Variants in XG observed in about 807,000 individuals in gnomAD.
The protein encoded by XG is glycoprotein Xg.
In XG, 24 loss-of-function variants were observed where a neutral mutation model predicts 25.7. That is an observed-to-expected ratio of 0.93 (90% CI 0.68 to 1.31). The LOEUF (loss-of-function observed/expected upper bound fraction) is 1.31, where lower values mean the gene tolerates loss of function less well. XG is among the 40% of genes most tolerant of loss of function. The pLI is 0.00. For missense variants in XG, 181 were observed against 187.6 expected, an observed-to-expected ratio of 0.96 and a Z score of 0.21; for synonymous variants, 77 against 69.2, an observed-to-expected ratio of 1.11 and a Z score of -0.56.
At chrX:2,784,526 C>T (rs1341204682) in intron 4 of XG, among the ~76,000 whole-genome samples, 2 of 103,542 alleles carry the variant, frequency 1.9e-5, no homozygotes, top group Admixed American at 1.1e-4. Flanking sequence ...GCTGAGATGG[C>T]GCCACTGCAC....
chrX:2,776,444 A>G (rs2050993272), intron 3 of XG, among the ~76,000 whole-genome samples: 1 of 152,168 alleles, frequency 6.6e-6, no homozygotes, highest in Non-Finnish European at 1.5e-5. Flanking sequence ...GTAGCTCGCC[A>G]CAGTATCTTA....
chrX:2,784,367 G>A (rs1457260908), intron 4 of XG, among the ~76,000 whole-genome samples: 1 of 110,505 alleles, frequency 9.0e-6, no homozygotes, highest in South Asian at 3.9e-4. Context: ...TGGATCACCT[G>A]AGGTCAGGAG....
chrX:2,753,703 A>G (rs747154270), intron 1 of XG, among the ~76,000 whole-genome samples: 1 of 151,860 alleles, frequency 6.6e-6, no homozygotes, highest in Admixed American at 6.6e-5. Flanking sequence ...CTGCCTCAGC[A>G]TCTCAAGTAG....
chrX:2,758,353 C>T (rs1436678970), intron 1 of XG, among the ~76,000 whole-genome samples: 2 of 152,162 alleles, frequency 1.3e-5, no homozygotes, highest in Non-Finnish European at 2.9e-5. Flanking sequence ...AGGTGTGGGT[C>T]AGGCATTTGG....
At chrX:2,756,890 C>T (rs1051755564) in intron 1 of XG, among the ~76,000 whole-genome samples, 2 of 152,166 alleles carry the variant, frequency 1.3e-5, no homozygotes, top group African/African-American at 2.4e-5. Context: ...CCCTAGTGGG[C>T]GTTTTACGGT....
At chrX:2,776,517 G>A (rs1270836404) in intron 3 of XG, among the ~76,000 whole-genome samples, 1 of 152,022 alleles carries the variant, frequency 6.6e-6, no homozygotes, top group East Asian at 1.9e-4. Flanking sequence ...CCTTGAGGAA[G>A]GGGCTGCCAG....
chrX:2,765,041 CAAA>C (rs1219282861), intron 1 of XG, among the ~76,000 whole-genome samples: 2 of 36,620 alleles, frequency 5.5e-5, no homozygotes, highest in African/African-American at 1.1e-4. Context: ...ATTCTTTATC[CAAA>C]AAAAAAAAAA....
In XG at chrX:2,814,444, G is replaced by A; in HGVS notation, c.*64G>A. 2.6e-6 allele frequency: 3 copies of A among 1,149,166 alleles called. No homozygotes were observed. The highest frequency in any genetic ancestry group is 3.5e-6 in the Non-Finnish European group (3 of 854,424). 94.7% of individuals were successfully genotyped at this position (1,149,166 alleles called of 1,213,427 possible). On this transcript the variant is annotated 3_prime_UTR_variant, in exon 11 of 11. Coordinates refer to ENST00000644266, the MANE Select transcript of XG (RefSeq NM_001141919.2). ...TAAAACAAGAACCGTGTTTATCACT[G>A]TTGTGGAGATTTCCTTTTATTCTTG...
rs1437723763 is a variant in XG at position 2,815,733 on chromosome X, T to C, written c.*1353T>C. On this transcript the variant is annotated 3_prime_UTR_variant, in exon 11 of 11. Transcript: ENST00000644266. ...GTGGTGATGTCTGATGCTCAATTAC[T>C]ATTTTCCCTATAAGAGTTTCAGCAT... is the stretch of plus-strand genomic sequence containing the variant. The C allele has an allele frequency of 9.1e-5, 10 of 109,689 alleles. No individual in the cohort carries two copies. The highest frequency in any genetic ancestry group is 1.9e-4 in the Non-Finnish European group (10 of 52,660). The allele number at this position is 109,689 out of a possible 1,213,427, so 9.0% of individuals were successfully genotyped here.
At chrX:2,758,790 CTGAGGAATCTTGCCTTAGCA>C (rs2050493053) in intron 1 of XG, among the ~76,000 whole-genome samples, 1 of 152,188 alleles carries the variant, frequency 6.6e-6, no homozygotes, top group Non-Finnish European at 1.5e-5. Context: ...AGGACTGAGG[CTGAGGAATCTTGCCTTAGCA>C]TGAGAGATCC....
At position 2,794,326 on chromosome X, in the gene XG, G is replaced by A. The variant is rs750649316; in HGVS notation, c.254-209G>A. Among the ~76,000 whole-genome samples, 3 of 112,405 alleles carry A rather than the reference G, an allele frequency of 2.7e-5. No individual in the cohort carries two copies. The South Asian group carries it at 1.1e-3, about 41-fold the overall frequency. ...AGCAATATGAGGCCACACTGCAGAC[G>A]TTCTGGGCCCTGCACACGCCTCCTT... is the stretch of plus-strand genomic sequence containing the variant. On this transcript the variant is annotated intron_variant, in intron 5 of 10. Coordinates refer to ENST00000644266, the MANE Select transcript of XG (RefSeq NM_001141919.2).
chrX:2,770,977 G>A (rs770034694), intron 2 of XG, among the ~76,000 whole-genome samples: 82 of 152,118 alleles, frequency 5.4e-4, no homozygotes, highest in African/African-American at 1.9e-3. Flanking sequence ...CTCCCAAGTA[G>A]CTGGAACAAC....
intron 10 of XG, among the ~76,000 whole-genome samples, chrX:2,813,752 C>T (rs2087078886): frequency 1.8e-5 from 2 of 112,185 alleles, no homozygotes; most frequent in South Asian, 7.3e-4. Context: ...GACAACATCA[C>T]TTCAGAAGTT....
At chrX:2,801,991 G>GCCA (rs1379649319) in intron 7 of XG, among the ~76,000 whole-genome samples, 3 of 111,766 alleles carry the variant, frequency 2.7e-5, no homozygotes, top group Non-Finnish European at 5.6e-5. Context: ...ACAGGCGTGA[G>GCCA]CCACCGCGCC....
intron 8 of XG, 123 bp downstream of exon 8, chrX:2,806,868 G>A (rs1333242165): frequency 8.3e-5 from 47 of 567,499 alleles, no homozygotes; most frequent in Middle Eastern, 3.4e-4. Context: ...CTGGCCGTTC[G>A]AGTCTCTCAT....
rs774242313 is a variant in XG, at chrX:2,815,481, A to G, written c.*1101A>G. 8.9e-6 allele frequency: 1 copy of G among 111,875 alleles called. No homozygotes were observed. Among genetic ancestry groups the G allele is most frequent in the East Asian group, 2.8e-4 (1 of 3,567 alleles). The allele number at this position is 111,875 out of a possible 1,213,427, so 9.2% of individuals were successfully genotyped here. A position where few individuals can be genotyped will look rare whatever the true frequency, so the allele number is the denominator to read the frequency against. ...CCAGTATGCATGTTTTATGCTCACC[A>G]TTATGAATTGGGGTCTTCAAAGAGA... On this transcript the variant is annotated 3_prime_UTR_variant, in exon 11 of 11. Coordinates refer to ENST00000644266, the MANE Select transcript of XG (RefSeq NM_001141919.2).
At chrX:2,810,857 A>G (rs1404622101) in intron 9 of XG, among the ~76,000 whole-genome samples, 1 of 111,374 alleles carries the variant, frequency 9.0e-6, no homozygotes, top group Non-Finnish European at 1.9e-5. Flanking sequence ...AGGAGGTTGC[A>G]GTGAACTGAG....
intron 7 of XG, among the ~76,000 whole-genome samples, chrX:2,801,771 T>G (rs569503903): frequency 1.5e-4 from 17 of 110,127 alleles, no homozygotes; most frequent in South Asian, 3.8e-4. Context: ...TGCAGTGGCG[T>G]CATCTCGGCT....
At chrX:2,780,935 G>A (rs1264094705) in intron 3 of XG, among the ~76,000 whole-genome samples, 4 of 152,038 alleles carry the variant, frequency 2.6e-5, no homozygotes, top group African/African-American at 9.7e-5. Flanking sequence ...AATAGAATGG[G>A]AGGCAGGTTG....
Sources: gnomAD v4.1 joint callset for allele counts (sites outside exome capture counted in the v4.1 genomes callset) on GRCh38, gnomAD v4.1.1 for gene constraint, MANE v1.5 for transcripts, NCBI Gene and HGNC (gene_info 2026-07-23, HGNC 2026-07-21) for gene names.